The following COL9A3 variants were observed in gnomAD, a reference collection of about 807,000 sequenced individuals.
COL9A3 encodes collagen alpha-3(IX) chain.
Under a neutral mutation model 110.2 loss-of-function variants are expected in COL9A3, and 82 were observed. That is an observed-to-expected ratio of 0.74 (90% confidence interval 0.62 to 0.89). The LOEUF is 0.89. Among genes scored for constraint, COL9A3 ranks in the 40% least tolerant of loss-of-function variants. The pLI is 0.00. For synonymous variants in COL9A3, 494 were observed against 403.8 expected (o/e 1.22, Z -2.68); for missense variants, 1,066 against 981.3 (o/e 1.09, Z -1.15).
intron 22 of COL9A3, 136 bp from the exon 23 acceptor site, chr20:62,830,224 G>A: frequency 9.5e-7 from 1 of 1,055,510 alleles, no homozygotes. Context: ...TTTGTCCCCA[G>A]CAACCCAGCC....
At chr20:62,822,942 C>G (rs771519540) in intron 10 of COL9A3, among the ~76,000 whole-genome samples, 1 of 152,250 alleles carries the variant, frequency 6.6e-6, no homozygotes, top group African/African-American at 2.4e-5. Flanking sequence ...AGCTCCCCTG[C>G]GTCATCCGCA....
chr20:62,833,890 T>TG (rs200366215), intron 26 of COL9A3, among the ~76,000 whole-genome samples: 26,370 of 151,518 alleles, frequency 0.17, 2,352 homozygotes, highest in African/African-American at 0.19. Context: ...TTTTGTTTGT[T>TG]TTTTTTTGAG....
intron 25 of COL9A3, 21 bp downstream of exon 25, chr20:62,832,210 G>A: frequency 6.2e-7 from 1 of 1,612,208 alleles, no homozygotes; most frequent in Non-Finnish European, 8.5e-7. Flanking sequence ...CACAGGCTGG[G>A]GCAAAAGGAA....
chr20:62,817,705 C>T lies in COL9A3; in HGVS notation c.147+70C>T, dbSNP rs2273080. 58,904 of 1,074,156 alleles carry T rather than the reference C, an allele frequency of 0.055. 4,209 individuals carry two copies. Among genetic ancestry groups the T allele is most frequent in the East Asian group, 0.34 (12,391 of 36,450 alleles). The allele number at this position is 1,074,156 out of a possible 1,614,324, so 66.5% of individuals were successfully genotyped here. A position where few individuals can be genotyped will look rare whatever the true frequency, so the allele number is the denominator to read the frequency against. ...GCTCTGGCCCCCACCTCCCTGAGCT[C>T]CCCGGCCTGATGGAGAGAAAACCAG... is the stretch of plus-strand genomic sequence containing the variant. On this transcript the variant is annotated intron_variant, in intron 2 of 31. Transcript: ENST00000649368.
rs2063574436 is a variant in COL9A3 at position 62,828,928 on chromosome 20, G to A, written c.960G>A (p.Glu320=). Residue 320 remains glutamate (E), a synonymous_variant, in exon 19 of 32, where the codon GAG becomes GAA. Coordinates refer to ENST00000649368, the MANE Select transcript of COL9A3 (RefSeq NM_001853.4). ...GVPGLDGQKG[E]AGRNGAPGEK... ...CCCAATCTCTGTCCTCACAGGGAGA[G>A]GCTGGTCGCAACGGTGCTCCGGGAG... 2.5e-6 allele frequency: 4 copies of A among 1,612,152 alleles called. No individual in the cohort carries two copies. Among genetic ancestry groups the A allele is most frequent in the East Asian group, 2.2e-5 (1 of 44,860 alleles).
chr20:62,823,295 C>G lies in COL9A3; in HGVS notation c.519+663C>G, dbSNP rs554557033. On this transcript the variant is annotated intron_variant, in intron 10 of 31. Transcript: ENST00000649368. ...TGGTTGCAGGGTGCTGTGATCAAGC[C>G]ACTGCACTCCAGCGTGAGCAGCCAA... Among the ~76,000 whole-genome samples, 25 of 152,260 alleles carry G rather than the reference C, an allele frequency of 1.6e-4. No homozygotes were observed. The East Asian group carries it at 4.6e-3, about 28-fold the overall frequency.
In COL9A3 at chr20:62,840,908, G is replaced by C; in HGVS notation, c.*176G>C. 4.5e-6 allele frequency: 3 copies of C among 660,448 alleles called. No individual in the cohort carries two copies. Among genetic ancestry groups the C allele is most frequent in the Non-Finnish European group, 8.1e-6 (3 of 371,658 alleles). The allele number at this position is 660,448 out of a possible 1,614,324, so 40.9% of individuals were successfully genotyped here. ...GAGCACCCTCATCGGGCTGTCGCCT[G>C]ACAGCATACCTCAAAAGGCCCTAGC... is the stretch of plus-strand genomic sequence containing the variant. On this transcript the variant is annotated 3_prime_UTR_variant, in exon 32 of 32. Transcript: ENST00000649368.
At chr20:62,828,157 G>A (rs1039366202) in intron 17 of COL9A3, among the ~76,000 whole-genome samples, 181 bp downstream of exon 17, 2 of 152,228 alleles carry the variant, frequency 1.3e-5, no homozygotes, top group African/African-American at 4.8e-5. Flanking sequence ...AGCCTCACGA[G>A]TGTGCAGGAG....
rs776778797 is a variant in COL9A3, at chr20:62,828,806, G to A, written c.943G>A (p.Asp315Asn). ...CGGCCAGAATGGCGTGCCAGGACTC[G>A]ATGGCCAGAAGGTTGGCATGGGGCT... ...KDGQNGVPGL[D>N]GQKGEAGRNG... Residue 315 changes from aspartate (D) to asparagine (N), a missense_variant, in exon 18 of 32, where the codon GAT becomes AAT. Asp to Asn is a conservative substitution (Grantham distance 23). Coordinates refer to ENST00000649368, the MANE Select transcript of COL9A3 (RefSeq NM_001853.4). 8.7e-6 allele frequency: 14 copies of A among 1,612,856 alleles called. No homozygotes were observed. In the South Asian group the frequency reaches 8.8e-5, roughly 10 times the overall value.
rs1166733744 is a variant in COL9A3, at chr20:62,829,100, T to C, written c.1008+124T>C. 3 of 1,093,162 alleles carry C rather than the reference T, an allele frequency of 2.7e-6. No individual in the cohort carries two copies. In the African/African-American group the frequency reaches 4.7e-5, roughly 17 times the overall value. 67.7% of individuals were successfully genotyped at this position (1,093,162 alleles called of 1,614,324 possible). ...TCCCTGTGAGGGGTTCTGGGGCCTG[T>C]GTCCATCAGGGCCTGGCACAACCCC... On this transcript the variant is annotated intron_variant, in intron 19 of 31. Transcript: ENST00000649368.
chr20:62,830,193 G>T lies in COL9A3; in HGVS notation c.1162-167G>T, dbSNP rs2294992. ...CCTGAGTTCTGAGACCCCCTAAACT[G>T]CCCTGGGAGGTAGCCCTGCCTTTGT... On this transcript the variant is annotated intron_variant, in intron 22 of 31. Transcript: ENST00000649368. Among the ~76,000 whole-genome samples, 13,325 of 152,084 alleles carry T rather than the reference G, an allele frequency of 0.088. 1,128 individuals are homozygous for T. The highest frequency in any genetic ancestry group is 0.47 in the East Asian group (2,424 of 5,136).
intron 16 of COL9A3, 132 bp downstream of exon 16, chr20:62,827,426 CGTGGGGGTGA>C: frequency 1.1e-6 from 1 of 915,716 alleles, no homozygotes. Flanking sequence ...CCTGGGGGTG[CGTGGGGGTGA>C]GCCTGACCCT....
chr20:62,838,526 C>G (rs987966625), intron 30 of COL9A3, among the ~76,000 whole-genome samples, 158 bp from the exon 31 acceptor site: 1 of 152,230 alleles, frequency 6.6e-6, no homozygotes, highest in African/African-American at 2.4e-5. Flanking sequence ...TCGTCGGACC[C>G]CGTCAAGCCC....
At chr20:62,818,577 C>T in intron 3 of COL9A3, 24 bp downstream of exon 3, 2 of 1,609,638 alleles carry the variant, frequency 1.2e-6, no homozygotes, top group African/African-American at 1.3e-5. Context: ...GCTGGGGAGA[C>T]AGCCTTTTTC....
chr20:62,827,223 C>A lies in COL9A3; in HGVS notation c.793-18C>A. 2 of 1,613,136 alleles carry A rather than the reference C, an allele frequency of 1.2e-6. No individual in the cohort carries two copies. Among genetic ancestry groups the A allele is most frequent in the African/African-American group, 1.3e-5 (1 of 75,042 alleles). ...CCATGGTGTTAACTCTGTCCCTGCC[C>A]CACCTCATCCTTTCCAGGGTGACCG... is the stretch of plus-strand genomic sequence containing the variant. On this transcript the variant is annotated intron_variant, in intron 15 of 31. Coordinates refer to ENST00000649368, the MANE Select transcript of COL9A3 (RefSeq NM_001853.4).
intron 31 of COL9A3, among the ~76,000 whole-genome samples, chr20:62,839,965 G>T (rs928766259): frequency 1.3e-5 from 2 of 152,150 alleles, no homozygotes; most frequent in Non-Finnish European, 2.9e-5. Flanking sequence ...GGGGTCCCAG[G>T]CCCCAGCCAC....
Position 62,837,118 on chromosome 20 carries a change from C to T in COL9A3, c.1639C>T (p.Pro547Ser). The T allele has an allele frequency of 6.2e-7, 1 of 1,613,536 alleles. No individual in the cohort carries two copies. The highest frequency in any genetic ancestry group is 2.2e-5 in the East Asian group (1 of 44,886). ...ACAGTTAGCCGCGCACCTAAGGAAG[C>T]CTTTGGCACCCGGGTCCATTGGTCG... ...IAQLAAHLRK[P>S]LAPGSIGRPG... Residue 547 changes from proline (P) to serine (S), a missense_variant, in exon 30 of 32, where the codon CCT becomes TCT. Coordinates refer to ENST00000649368, the MANE Select transcript of COL9A3 (RefSeq NM_001853.4).
chr20:62,825,548 T>G (rs1033458685), intron 12 of COL9A3: 5 of 570,984 alleles, frequency 8.8e-6, no homozygotes, highest in Admixed American at 3.0e-5. Flanking sequence ...GAGGGGTCCC[T>G]GCTTGGCCAC....
Position 62,837,703 on chromosome 20 carries a change from A to G in COL9A3, c.1786+438A>G, listed in dbSNP as rs374776420. 1.6e-4 allele frequency among the ~76,000 whole-genome samples: 24 copies of G among 152,262 alleles called. 1 individual carries two copies. Among genetic ancestry groups the G allele is most frequent in the African/African-American group, 5.8e-4 (24 of 41,538 alleles). ...ACGCCTGTAATCCCAGCTACTCAGG[A>G]GGCTGAGGCAGGAGAATCTCTTGAA... On this transcript the variant is annotated intron_variant, in intron 30 of 31. Coordinates refer to ENST00000649368, the MANE Select transcript of COL9A3 (RefSeq NM_001853.4).
Sources: allele counts gnomAD v4.1 joint callset (sites outside exome capture counted in the v4.1 genomes callset), GRCh38; gene constraint gnomAD v4.1.1; transcripts MANE v1.5; gene names NCBI Gene and HGNC (gene_info 2026-07-23, HGNC 2026-07-21).